The following CACNA2D3 variants were observed in gnomAD, a reference collection of about 807,000 sequenced individuals.
The protein encoded by CACNA2D3 is voltage-dependent calcium channel subunit alpha-2/delta-3.
A neutral mutation model predicts 160.6 loss-of-function variants in CACNA2D3; 60 were observed. The ratio of observed to expected loss-of-function variants is 0.37; its 90% CI spans 0.30 to 0.46. The LOEUF is 0.46. Ranked by LOEUF, CACNA2D3 falls within the 20% of genes least tolerant of loss-of-function variation. The probability of loss-of-function intolerance (pLI) is 1.00; values close to 1 mark genes in which losing one functional copy is unlikely to be tolerated. For missense variants in CACNA2D3, 1,205 were observed against 1,365.0 expected, an observed-to-expected ratio of 0.88 and a Z score of 1.85; for synonymous variants, 558 against 492.9, an observed-to-expected ratio of 1.13 and a Z score of -1.75.
intron 11 of CACNA2D3, among the ~76,000 whole-genome samples, chr3:54,686,915 T>C (rs1700457890): frequency 6.6e-6 from 1 of 152,110 alleles, no homozygotes; most frequent in African/African-American, 2.4e-5. Flanking sequence ...TAAAATATTG[T>C]TAGTTTTTCA....
intron 2 of CACNA2D3, among the ~76,000 whole-genome samples, chr3:54,186,101 G>T (rs1039764878): frequency 6.6e-6 from 1 of 152,188 alleles, no homozygotes; most frequent in South Asian, 2.1e-4. Flanking sequence ...GGAGGGCAGA[G>T]ACCTTATTAC....
At chr3:54,857,799 A>T (rs776360532) in intron 17 of CACNA2D3, among the ~76,000 whole-genome samples, 1 of 152,184 alleles carries the variant, frequency 6.6e-6, no homozygotes, top group South Asian at 2.1e-4. Context: ...AGGCTTTTAC[A>T]TTAACACCAT....
intron 35 of CACNA2D3, among the ~76,000 whole-genome samples, chr3:55,061,057 G>A (rs1304347574): frequency 6.6e-6 from 1 of 152,206 alleles, no homozygotes; most frequent in Non-Finnish European, 1.5e-5. Context: ...ATGAGTGGAA[G>A]TCATTATCAT....
At chr3:54,868,070 G>A (rs1406721065) in intron 17 of CACNA2D3, among the ~76,000 whole-genome samples, 1 of 152,202 alleles carries the variant, frequency 6.6e-6, no homozygotes, top group Admixed American at 6.5e-5. Flanking sequence ...CCACTCTCTG[G>A]CCTTTTAATG....
intron 2 of CACNA2D3, among the ~76,000 whole-genome samples, chr3:54,166,188 A>G (rs1700451529): frequency 6.6e-6 from 1 of 152,132 alleles, no homozygotes. Context: ...CATTTCAAAG[A>G]GGAAATCCAA....
intron 3 of CACNA2D3, among the ~76,000 whole-genome samples, chr3:54,350,966 C>CGGTTT (rs1559457706): frequency 7.9e-5 from 5 of 63,296 alleles, no homozygotes; most frequent in Non-Finnish European, 1.8e-4. Flanking sequence ...GATCTTGAGT[C>CGGTTT]TGTTTTTTTT....
intron 9 of CACNA2D3, among the ~76,000 whole-genome samples, chr3:54,617,663 C>A (rs925165435): frequency 1.1e-4 from 16 of 152,118 alleles, no homozygotes; most frequent in African/African-American, 3.9e-4. Flanking sequence ...GTTATGTATC[C>A]AAAATTCAAA....
chr3:54,828,979 T>C (rs768553501), intron 14 of CACNA2D3, among the ~76,000 whole-genome samples: 1 of 152,254 alleles, frequency 6.6e-6, no homozygotes, highest in Non-Finnish European at 1.5e-5. Context: ...TTATTTCTTA[T>C]TCTTGTTTCT....
rs1290000970 is a variant in CACNA2D3 at position 54,721,484 on chromosome 3, G to C, written c.1168-31115G>C. On this transcript the variant is annotated intron_variant, in intron 11 of 37. Coordinates refer to ENST00000474759, the MANE Select transcript of CACNA2D3 (RefSeq NM_018398.3). ...CTTTAAAGATATGTTCTGTTGACTGGGCACGGTGGCTCACACCTGTAATCC... is the reference window on the plus strand; with the variant it reads ...CTTTAAAGATATGTTCTGTTGACTGCGCACGGTGGCTCACACCTGTAATCC... Among the ~76,000 whole-genome samples, 4 of 152,046 alleles carry C rather than the reference G, an allele frequency of 2.6e-5. No homozygotes were observed. The South Asian group carries it at 8.3e-4, about 32-fold the overall frequency.
chr3:54,676,272 A>G (rs1395025168), intron 11 of CACNA2D3, among the ~76,000 whole-genome samples: 1 of 152,138 alleles, frequency 6.6e-6, no homozygotes, highest in Admixed American at 6.6e-5. Context: ...GGCAAAGTCC[A>G]TGTTAAAGGG....
intron 2 of CACNA2D3, among the ~76,000 whole-genome samples, chr3:54,289,954 C>T (rs1488424915): frequency 1.3e-5 from 2 of 151,586 alleles, no homozygotes; most frequent in Non-Finnish European, 2.9e-5. Flanking sequence ...CCATAAAAAC[C>T]CTAGAAGAAA....
chr3:54,413,773 T>C (rs1322358451), intron 4 of CACNA2D3, among the ~76,000 whole-genome samples: 1 of 151,770 alleles, frequency 6.6e-6, no homozygotes, highest in Non-Finnish European at 1.5e-5. Flanking sequence ...ATTTCTTTGC[T>C]GAAATTCTCC....
At position 54,230,432 on chromosome 3, in the gene CACNA2D3, A is replaced by T. The variant is rs545525660; in HGVS notation, c.205-90010A>T. Among the ~76,000 whole-genome samples, 17 of 152,344 alleles carry T rather than the reference A, an allele frequency of 1.1e-4. 1 individual carries two copies. The South Asian group carries it at 3.5e-3, about 32-fold the overall frequency. The stretch of plus-strand genomic sequence containing the variant: ...AAGGTAATACATGTTTGAATTGGTA[A>T]ATTGTGAGGGTCATTAATTTCTGAA... On this transcript the variant is annotated intron_variant, in intron 2 of 37. Coordinates refer to ENST00000474759, the MANE Select transcript of CACNA2D3 (RefSeq NM_018398.3).
chr3:54,226,816 A>AT (rs959250854), intron 2 of CACNA2D3, among the ~76,000 whole-genome samples: 3 of 151,818 alleles, frequency 2.0e-5, no homozygotes, highest in Non-Finnish European at 4.4e-5. Context: ...GGAAGTTTCT[A>AT]TTTTTTTTCC....
At chr3:54,196,122 G>T (rs74680855) in intron 2 of CACNA2D3, among the ~76,000 whole-genome samples, 4,889 of 152,172 alleles carry the variant, frequency 0.032, 140 homozygotes, top group Middle Eastern at 0.082. Context: ...TGACTGTTTT[G>T]CCATGCCTTT....
intron 4 of CACNA2D3, among the ~76,000 whole-genome samples, chr3:54,496,388 A>T (rs967899347): frequency 2.6e-5 from 4 of 152,104 alleles, no homozygotes; most frequent in Non-Finnish European, 5.9e-5. Context: ...TTATTTTTGT[A>T]CTTTCCTGAT....
At chr3:54,541,986 T>A (rs1701987739) in intron 5 of CACNA2D3, among the ~76,000 whole-genome samples, 1 of 151,540 alleles carries the variant, frequency 6.6e-6, no homozygotes, top group African/African-American at 2.4e-5. Context: ...ATGTTTGAAA[T>A]GTGTATTAGT....
rs578046396 is a variant in CACNA2D3 at position 54,462,630 on chromosome 3, A to G, written c.382-40862A>G. ...TTTTTTTGTTTTCCATTTGCTTGGT[A>G]GATCTTCCTCCATCCTTTTATTTTG... On this transcript the variant is annotated intron_variant, in intron 4 of 37. Coordinates refer to ENST00000474759, the MANE Select transcript of CACNA2D3 (RefSeq NM_018398.3). Among the ~76,000 whole-genome samples, 20 of 152,236 alleles carry G rather than the reference A, an allele frequency of 1.3e-4. No individual in the cohort carries two copies. The East Asian group carries it at 3.3e-3, about 25-fold the overall frequency.
At chr3:54,628,103 G>A (rs530476925) in intron 10 of CACNA2D3, among the ~76,000 whole-genome samples, 1 of 152,288 alleles carries the variant, frequency 6.6e-6, no homozygotes, top group Admixed American at 6.5e-5. Flanking sequence ...ATGGTGGCGG[G>A]TGCCTGTAGT....
Sources: allele counts gnomAD v4.1 joint callset (sites outside exome capture counted in the v4.1 genomes callset), GRCh38; gene constraint gnomAD v4.1.1; transcripts MANE v1.5; gene names NCBI Gene and HGNC (gene_info 2026-07-23, HGNC 2026-07-21).